The following ZC3H3 variants were observed in gnomAD, a reference collection of about 807,000 sequenced individuals.
The protein encoded by ZC3H3 is zinc finger CCCH domain-containing protein 3.
ZC3H3 carries 36 observed loss-of-function variants against 77.3 expected under a neutral mutation model. That is an observed-to-expected ratio of 0.47 (90% CI 0.36 to 0.61). The LOEUF is 0.61. Among genes scored for constraint, ZC3H3 ranks in the 20% least tolerant of loss-of-function variants. The pLI is 0.00. For synonymous variants in ZC3H3, 626 were observed against 555.2 expected (o/e 1.13, Z -1.79); for missense variants, 1,331 against 1,312.2 (o/e 1.01, Z -0.22).
chr8:143,483,907 AC>A (rs1177546798), intron 4 of ZC3H3, among the ~76,000 whole-genome samples: 1 of 151,992 alleles, frequency 6.6e-6, no homozygotes, highest in East Asian at 1.9e-4. Context: ...TCCCGCTGTC[AC>A]CCCCACAGCA....
At position 143,493,454 on chromosome 8, in the gene ZC3H3, A is replaced by T. The variant is rs1821262213; in HGVS notation, c.1715+14292T>A. On this transcript the variant is annotated intron_variant, in intron 4 of 11. Transcript: ENST00000262577. This position sits in a 1 kb window ranked among gnomAD's most constrained non-coding sequence, Gnocchi z 4.8. ...CCCAAACCACCAAGGCCGAGGCTGC[A>T]GGAGGGGTCTGGCCCTCGGCCACAC... Among the ~76,000 whole-genome samples, 1 of 152,182 alleles carries T rather than the reference A, an allele frequency of 6.6e-6. No individual in the cohort carries two copies.
intron 3 of ZC3H3, among the ~76,000 whole-genome samples, chr8:143,519,606 G>A (rs1822175195): frequency 6.6e-6 from 1 of 152,172 alleles, no homozygotes; most frequent in South Asian, 2.1e-4. Flanking sequence ...GCTCACACTG[G>A]CACCCGTGGG....
Position 143,475,655 on chromosome 8 carries a change from G to A in ZC3H3, c.1716-70C>T. 7 of 1,475,216 alleles carry A rather than the reference G, an allele frequency of 4.7e-6. No individual in the cohort carries two copies. The South Asian group carries it at 5.5e-5, about 12-fold the overall frequency. The allele number at this position is 1,475,216 out of a possible 1,614,324, so 91.4% of individuals were successfully genotyped here. A position where few individuals can be genotyped will look rare whatever the true frequency, so the allele number is the denominator to read the frequency against. On this transcript the variant is annotated intron_variant, in intron 4 of 11. Coordinates refer to ENST00000262577, the MANE Select transcript of ZC3H3 (RefSeq NM_015117.3). The stretch of plus-strand genomic sequence containing the variant: ...CTACAGCTCTGATGGTCAGTGCCAG[G>A]GGCCGAGCCCAGGCCTGGCCTCCCA...
At chr8:143,466,399 C>T (rs1482473402) in intron 8 of ZC3H3, among the ~76,000 whole-genome samples, 6 of 152,254 alleles carry the variant, frequency 3.9e-5, no homozygotes, top group Non-Finnish European at 7.3e-5. Context: ...TGCAGGCCAG[C>T]ACCGTGGAGG....
At chr8:143,511,572 TA>T (rs1231425242) in intron 3 of ZC3H3, among the ~76,000 whole-genome samples, 17 of 152,044 alleles carry the variant, frequency 1.1e-4, no homozygotes, top group Non-Finnish European at 1.5e-5. Flanking sequence ...CCAAGGTGAG[TA>T]TCCTGGGGAG....
intron 4 of ZC3H3, among the ~76,000 whole-genome samples, chr8:143,498,105 C>A (rs142708395): frequency 6.6e-6 from 1 of 152,176 alleles, no homozygotes; most frequent in Non-Finnish European, 1.5e-5. Context: ...GCCTGGGCCA[C>A]GCACCGGGGC....
At chr8:143,453,420 C>G (rs1251645582) in intron 9 of ZC3H3, among the ~76,000 whole-genome samples, 1 of 152,116 alleles carries the variant, frequency 6.6e-6, no homozygotes, top group Non-Finnish European at 1.5e-5. Context: ...GGGAAAAATT[C>G]AAACAACAGT....
chr8:143,437,997 G>A lies in ZC3H3; in HGVS notation c.*59C>T. On this transcript the variant is annotated 3_prime_UTR_variant, in exon 12 of 12. Transcript: ENST00000262577. ...CCTGTGGGGTAGAGTGGTGGACAGA[G>A]CCTCTTTCCTCTCCAAGGATGAGGG... 1.3e-6 allele frequency: 2 copies of A among 1,581,584 alleles called. No individual in the cohort carries two copies. Among genetic ancestry groups the A allele is most frequent in the Non-Finnish European group, 1.7e-6 (2 of 1,163,484 alleles).
At position 143,494,528 on chromosome 8, in the gene ZC3H3, C is replaced by T. The variant is rs398752; in HGVS notation, c.1715+13218G>A. Among the ~76,000 whole-genome samples, 2 of 152,158 alleles carry T rather than the reference C, an allele frequency of 1.3e-5. No homozygotes were observed. The highest frequency in any genetic ancestry group is 4.8e-5 in the African/African-American group (2 of 41,418). On this transcript the variant is annotated intron_variant, in intron 4 of 11. Transcript: ENST00000262577. This position sits in a 1 kb window ranked among gnomAD's most constrained non-coding sequence, Gnocchi z 5.3. ...CCAACAGGCCCACACAAGGCCCGGG[C>T]AGGTCAGGGCCTCAGAGCACAGCGG...
At chr8:143,464,539 G>A (rs1293305641) in intron 9 of ZC3H3, among the ~76,000 whole-genome samples, 1 of 152,228 alleles carries the variant, frequency 6.6e-6, no homozygotes, top group African/African-American at 2.4e-5. Flanking sequence ...AGAACGCTGT[G>A]CACAGGAAGG....
chr8:143,446,084 C>T (rs1274876838), intron 9 of ZC3H3, among the ~76,000 whole-genome samples: 3 of 152,134 alleles, frequency 2.0e-5, no homozygotes, highest in Admixed American at 6.5e-5. Flanking sequence ...AGGGCTGCAC[C>T]GCACACCCGC....
chr8:143,541,353 G>C (rs1823009200), intron 1 of ZC3H3, 23 bp downstream of exon 1: 1 of 1,605,676 alleles, frequency 6.2e-7, no homozygotes, highest in East Asian at 2.3e-5. Context: ...GGGGACTCGC[G>C]TCCCGGCCCC....
chr8:143,471,332 C>T (rs991258340), intron 5 of ZC3H3, among the ~76,000 whole-genome samples: 1 of 152,180 alleles, frequency 6.6e-6, no homozygotes, highest in African/African-American at 2.4e-5. Context: ...CAGTGTGGGG[C>T]GGGGGCAAGC....
intron 3 of ZC3H3, among the ~76,000 whole-genome samples, chr8:143,515,094 G>A (rs551787083): frequency 2.0e-4 from 31 of 152,338 alleles, no homozygotes; most frequent in African/African-American, 5.8e-4. Flanking sequence ...CCTTACTGCT[G>A]GGTTCCGAGA....
Position 143,530,198 on chromosome 8 carries a change from T to G in ZC3H3, c.1561+6059A>C, listed in dbSNP as rs769232964. Among the ~76,000 whole-genome samples, 30 of 151,978 alleles carry G rather than the reference T, an allele frequency of 2.0e-4. No homozygotes were observed. The highest frequency in any genetic ancestry group is 3.8e-4 in the Non-Finnish European group (26 of 67,994). On this transcript the variant is annotated intron_variant, in intron 3 of 11. Coordinates refer to ENST00000262577, the MANE Select transcript of ZC3H3 (RefSeq NM_015117.3). The surrounding 1 kb of genome is among the most constrained non-coding windows in gnomAD (Gnocchi z 4.3). Reference sequence around the variant, plus strand: ...AGACCACCACGCAAGCCAGGCCCTTTCTGTCCACCACAGGTGTGCCCAGGA... The same window carrying G: ...AGACCACCACGCAAGCCAGGCCCTTGCTGTCCACCACAGGTGTGCCCAGGA...
intron 3 of ZC3H3, among the ~76,000 whole-genome samples, chr8:143,527,056 G>A (rs943617262): frequency 1.3e-5 from 2 of 152,142 alleles, no homozygotes; most frequent in Non-Finnish European, 2.9e-5. Flanking sequence ...CCATCGGGAC[G>A]GCCCTGTGCC....
At chr8:143,513,140 G>A (rs1051681895) in intron 3 of ZC3H3, among the ~76,000 whole-genome samples, 6 of 152,108 alleles carry the variant, frequency 3.9e-5, no homozygotes, top group Admixed American at 3.9e-4. Context: ...TGCATGGCTG[G>A]CACCATGCTC....
intron 4 of ZC3H3, among the ~76,000 whole-genome samples, chr8:143,507,427 C>A (rs980798032): frequency 2.0e-5 from 3 of 152,272 alleles, no homozygotes; most frequent in Non-Finnish European, 4.4e-5. Context: ...GGGCCCTGAC[C>A]GTCTGGGCAG....
chr8:143,539,063 G>C lies in ZC3H3; in HGVS notation c.304C>G (p.Gln102Glu). 1 of 1,612,970 alleles carries C rather than the reference G, an allele frequency of 6.2e-7. No individual in the cohort carries two copies. The highest frequency in any genetic ancestry group is 2.2e-5 in the East Asian group (1 of 44,870). Residue 102 changes from glutamine to glutamate, a missense_variant, in exon 2 of 12, where the codon CAG (glutamine) becomes GAG (glutamate). Transcript: ENST00000262577. ...VRPLHGARGG[Q>E]PPVPQQHVLE... ...ACATGCTGCTGCGGGACAGGAGGCTGGCCCCCCCGGGCCCCGTGCAACGGC... is the reference window on the plus strand; with the variant it reads ...ACATGCTGCTGCGGGACAGGAGGCTCGCCCCCCCGGGCCCCGTGCAACGGC...
Sources: gnomAD v4.1 joint callset for allele counts (sites outside exome capture counted in the v4.1 genomes callset) on GRCh38, gnomAD v4.1.1 for gene constraint, Gnocchi (gnomAD v3.1) non-coding constraint, MANE v1.5 for transcripts, NCBI Gene and HGNC (gene_info 2026-07-23, HGNC 2026-07-21) for gene names.